Variants in FERRY3 observed in about 807,000 individuals in gnomAD.
FERRY3 encodes FERRY endosomal RAB5 effector complex subunit 3.
the FERRY3 span, among the ~76,000 whole-genome samples, chr12:4,516,396 T>C: frequency 2.0e-5 from 3 of 152,216 alleles, no homozygotes; most frequent in Non-Finnish European, 2.9e-5. Flanking sequence ...AATCATTCTA[T>C]ATAAAGATAC....
chr12:4,506,272 A>G, the FERRY3 span, among the ~76,000 whole-genome samples: 1 of 152,188 alleles, frequency 6.6e-6, no homozygotes, highest in Non-Finnish European at 1.5e-5. Context: ...AATGGCCTTT[A>G]GCATCAGAAA....
At chr12:4,537,762 T>C in the FERRY3 span, among the ~76,000 whole-genome samples, 14 of 152,198 alleles carry the variant, frequency 9.2e-5, no homozygotes, top group African/African-American at 3.4e-4. Flanking sequence ...GCAATACAAA[T>C]TTTTATAATG....
the FERRY3 span, among the ~76,000 whole-genome samples, chr12:4,533,278 C>T: frequency 2.0e-5 from 3 of 152,258 alleles, no homozygotes; most frequent in African/African-American, 7.2e-5. Context: ...AACTTTGCCG[C>T]CTTAAAAAAC....
chr12:4,529,523 G>C, the FERRY3 span, among the ~76,000 whole-genome samples: 1 of 152,096 alleles, frequency 6.6e-6, no homozygotes, highest in Non-Finnish European at 1.5e-5. Flanking sequence ...AATAATAGTA[G>C]GGTTATGGTA....
chr12:4,529,279 A>G, the FERRY3 span, among the ~76,000 whole-genome samples: 1 of 152,170 alleles, frequency 6.6e-6, no homozygotes, highest in Non-Finnish European at 1.5e-5. Context: ...ATCTAATTAC[A>G]ATTTCTTGGA....
chr12:4,523,958 TAAAA>T, the FERRY3 span, among the ~76,000 whole-genome samples: 1 of 150,416 alleles, frequency 6.6e-6, no homozygotes, highest in Non-Finnish European at 1.5e-5. Flanking sequence ...TAAAGTATAA[TAAAA>T]AAATTTAAAA....
At chr12:4,513,794 G>C in the FERRY3 span, among the ~76,000 whole-genome samples, 5 of 152,018 alleles carry the variant, frequency 3.3e-5, no homozygotes, top group Non-Finnish European at 5.9e-5. Context: ...AAAAACCCTA[G>C]AAAAAAACCT....
At chr12:4,523,781 G>A in the FERRY3 span, among the ~76,000 whole-genome samples, 763 of 152,162 alleles carry the variant, frequency 5.0e-3, 11 homozygotes, top group African/African-American at 0.017. Flanking sequence ...GACACAGGGC[G>A]GGGAACATCA....
the FERRY3 span, chr12:4,488,273 C>T: frequency 5.9e-5 from 9 of 152,348 alleles, no homozygotes; most frequent in Non-Finnish European, 8.8e-5. The surrounding 1 kb of genome is among the most constrained non-coding windows in gnomAD (Gnocchi z 4.9). Context: ...AACAAACATC[C>T]GTGAATGAAA....
chr12:4,526,991 A>G, the FERRY3 span, among the ~76,000 whole-genome samples: 1 of 152,180 alleles, frequency 6.6e-6, no homozygotes. Flanking sequence ...AATCCCACTT[A>G]GTTCTAAGGC....
the FERRY3 span, among the ~76,000 whole-genome samples, chr12:4,537,955 T>C: frequency 2.6e-5 from 4 of 151,974 alleles, no homozygotes; most frequent in African/African-American, 7.3e-5. Context: ...AGTAGGAGAA[T>C]AGTAAACTTG....
At chr12:4,521,121 G>A in the FERRY3 span, among the ~76,000 whole-genome samples, 1 of 152,204 alleles carries the variant, frequency 6.6e-6, no homozygotes, top group Non-Finnish European at 1.5e-5. Flanking sequence ...AGCACTTTGG[G>A]AGGCCGAGGT....
At chr12:4,532,058 C>T in the FERRY3 span, among the ~76,000 whole-genome samples, 3 of 151,830 alleles carry the variant, frequency 2.0e-5, no homozygotes, top group African/African-American at 4.8e-5. Flanking sequence ...CTTTGAATGC[C>T]GCCCAACACA....
At chr12:4,529,321 TA>T in the FERRY3 span, among the ~76,000 whole-genome samples, 1 of 152,168 alleles carries the variant, frequency 6.6e-6, no homozygotes, top group Non-Finnish European at 1.5e-5. Context: ...TTTTCTAAGG[TA>T]CTTGAGCGTA....
the FERRY3 span, chr12:4,505,271 G>T: frequency 7.4e-7 from 1 of 1,359,460 alleles, no homozygotes. Context: ...TTTGGTATAA[G>T]AAAACAGTAA....
the FERRY3 span, among the ~76,000 whole-genome samples, chr12:4,513,229 A>G: frequency 1.6e-5 from 2 of 121,402 alleles, no homozygotes; most frequent in African/African-American, 3.3e-5. Context: ...CCACTGCTCA[A>G]GGAAATAAAA....
chr12:4,516,269 C>T, the FERRY3 span, among the ~76,000 whole-genome samples: 2 of 152,092 alleles, frequency 1.3e-5, no homozygotes, highest in Non-Finnish European at 2.9e-5. Context: ...AACTATAGTA[C>T]TGAAATTTAA....
the FERRY3 span, among the ~76,000 whole-genome samples, chr12:4,519,415 C>A: frequency 1.3e-5 from 2 of 152,202 alleles, no homozygotes; most frequent in Non-Finnish European, 2.9e-5. This position sits in a 1 kb window ranked among gnomAD's most constrained non-coding sequence, Gnocchi z 4.3. Flanking sequence ...CACTAAACTG[C>A]CTTTCTTTTT....
chr12:4,518,195 C>G, the FERRY3 span: 1 of 1,614,090 alleles, frequency 6.2e-7, no homozygotes, highest in Non-Finnish European at 8.5e-7. Flanking sequence ...TTTATGCTTA[C>G]AGAAGTCCAG....
Sources: gnomAD v4.1 joint callset for allele counts (sites outside exome capture counted in the v4.1 genomes callset) on GRCh38, gnomAD v4.1.1 for gene constraint, Gnocchi (gnomAD v3.1) non-coding constraint, MANE v1.5 for transcripts, NCBI Gene and HGNC (gene_info 2026-07-23, HGNC 2026-07-21) for gene names.